Variants in MAGI2 observed in about 807,000 individuals in gnomAD.
The protein encoded by MAGI2 is membrane-associated guanylate kinase, WW and PDZ domain-containing protein 2.
In MAGI2, 35 loss-of-function variants were observed where a neutral mutation model predicts 133.3. The ratio of observed to expected loss-of-function variants is 0.26; its 90% CI spans 0.20 to 0.35. MAGI2 has a LOEUF of 0.35. MAGI2 is among the 10% of genes least tolerant of loss of function. MAGI2 has a pLI of 1.00. For synonymous variants in MAGI2, 729 were observed against 710.6 expected, an observed-to-expected ratio of 1.03 and a Z score of -0.41; for missense variants, 1,636 against 1,863.4, an observed-to-expected ratio of 0.88 and a Z score of 2.25.
intron 21 of MAGI2, among the ~76,000 whole-genome samples, chr7:78,045,917 T>C (rs1178406544): frequency 1.3e-5 from 2 of 152,186 alleles, no homozygotes; most frequent in East Asian, 3.9e-4. Flanking sequence ...TGATACTTGC[T>C]CTATTGGACA....
intron 6 of MAGI2, among the ~76,000 whole-genome samples, chr7:78,398,860 A>G (rs1055709565): frequency 2.0e-5 from 3 of 152,050 alleles, no homozygotes; most frequent in African/African-American, 7.2e-5. Flanking sequence ...CTTGAGTTCA[A>G]TCTCCCTTAT....
intron 6 of MAGI2, among the ~76,000 whole-genome samples, chr7:78,464,412 G>A (rs1214325412): frequency 6.6e-6 from 1 of 152,066 alleles, no homozygotes; most frequent in Admixed American, 6.5e-5. Context: ...ACTTTTGGAA[G>A]CCCTTTTGCT....
chr7:78,859,437 G>A lies in MAGI2; in HGVS notation c.418+147653C>T, dbSNP rs1301587344. ...GGAGGTCTTTTAGGGCAGGCCTGGT[G>A]GTGACAAAATCTCTCAGCATTTGTT... On this transcript the variant is annotated intron_variant, in intron 2 of 21. Transcript: ENST00000354212. Among the ~76,000 whole-genome samples, 3 of 151,760 alleles carry A rather than the reference G, an allele frequency of 2.0e-5. No homozygotes were observed. The East Asian group carries it at 5.8e-4, about 29-fold the overall frequency.
At chr7:78,362,630 A>C (rs187297044) in intron 7 of MAGI2, among the ~76,000 whole-genome samples, 1 of 152,332 alleles carries the variant, frequency 6.6e-6, no homozygotes, top group Non-Finnish European at 1.5e-5. Flanking sequence ...AGAAGGACGT[A>C]AAACGTTAAA....
intron 1 of MAGI2, among the ~76,000 whole-genome samples, chr7:79,289,153 A>C (rs1196796750): frequency 6.6e-6 from 1 of 152,200 alleles, no homozygotes; most frequent in Non-Finnish European, 1.5e-5. Flanking sequence ...ATCCACCTGC[A>C]CATCCATTTG....
chr7:78,410,073 C>G (rs1307855246), intron 6 of MAGI2, among the ~76,000 whole-genome samples: 2 of 151,742 alleles, frequency 1.3e-5, no homozygotes, highest in Non-Finnish European at 2.9e-5. Context: ...AGTCCACGAC[C>G]CCCGGGAAAG....
chr7:78,544,167 AT>A (rs927061820), intron 3 of MAGI2, among the ~76,000 whole-genome samples: 3 of 152,234 alleles, frequency 2.0e-5, no homozygotes, highest in Non-Finnish European at 4.4e-5. Context: ...ATTGGCTCCA[AT>A]TTGGCTTAAA....
chr7:79,015,100 A>T (rs1449979605), intron 1 of MAGI2, among the ~76,000 whole-genome samples: 3 of 152,168 alleles, frequency 2.0e-5, no homozygotes, highest in Non-Finnish European at 2.9e-5. Context: ...TATATTAGCA[A>T]GGTCTATCCC....
chr7:78,624,264 G>T (rs1563258373), intron 3 of MAGI2, among the ~76,000 whole-genome samples: 1 of 152,056 alleles, frequency 6.6e-6, no homozygotes, highest in Non-Finnish European at 1.5e-5. Context: ...TCTGTAGGTT[G>T]TCTGTTCACT....
intron 4 of MAGI2, among the ~76,000 whole-genome samples, chr7:78,514,528 G>A (rs1795881395): frequency 6.6e-6 from 1 of 152,058 alleles, no homozygotes; most frequent in South Asian, 2.1e-4. Flanking sequence ...CAGTACTCTG[G>A]GAACAAGATC....
intron 10 of MAGI2, among the ~76,000 whole-genome samples, chr7:78,235,728 C>T (rs551813737): frequency 1.5e-4 from 22 of 150,982 alleles, no homozygotes; most frequent in Middle Eastern, 3.4e-3. Flanking sequence ...TTTATAGCAG[C>T]GTGAGAACAG....
intron 16 of MAGI2, among the ~76,000 whole-genome samples, chr7:78,145,915 C>T (rs1823268687): frequency 6.6e-6 from 1 of 152,108 alleles, no homozygotes; most frequent in South Asian, 2.1e-4. Flanking sequence ...CTCCCGAAGG[C>T]CCGTCTCCAA....
chr7:78,968,964 C>T lies in MAGI2; in HGVS notation c.418+38126G>A, dbSNP rs554601394. Among the ~76,000 whole-genome samples, 4 of 152,078 alleles carry T rather than the reference C, an allele frequency of 2.6e-5. No individual in the cohort carries two copies. The South Asian group carries it at 8.3e-4, about 32-fold the overall frequency. ...CTTCAATAAAAAGCAGCCTCCAAACCATTTCTTTTCTAATATAAAGCAGCC... is the reference window on the plus strand; with the variant it reads ...CTTCAATAAAAAGCAGCCTCCAAACTATTTCTTTTCTAATATAAAGCAGCC... On this transcript the variant is annotated intron_variant, in intron 2 of 21. Coordinates refer to ENST00000354212, the MANE Select transcript of MAGI2 (RefSeq NM_012301.4).
At chr7:79,154,918 G>T (rs1309728936) in intron 1 of MAGI2, among the ~76,000 whole-genome samples, 2 of 152,154 alleles carry the variant, frequency 1.3e-5, no homozygotes, top group South Asian at 4.1e-4. Flanking sequence ...TTGCCCATTT[G>T]AATCTATTTT....
At chr7:78,604,836 T>C (rs1467686243) in intron 3 of MAGI2, among the ~76,000 whole-genome samples, 1 of 152,272 alleles carries the variant, frequency 6.6e-6, no homozygotes. Flanking sequence ...GTTTAGTTTT[T>C]AATTCTTTCT....
chr7:79,345,439 A>G (rs1483490176), intron 1 of MAGI2, among the ~76,000 whole-genome samples: 1 of 152,038 alleles, frequency 6.6e-6, no homozygotes, highest in Non-Finnish European at 1.5e-5. Flanking sequence ...GTGAGAAAAT[A>G]AATTTCTGTT....
intron 10 of MAGI2, among the ~76,000 whole-genome samples, chr7:78,228,974 G>A (rs578062598): frequency 6.6e-5 from 10 of 152,348 alleles, no homozygotes; most frequent in African/African-American, 2.4e-4. Flanking sequence ...TAGGAAGGTG[G>A]AGACCATCTA....
chr7:79,323,520 T>C (rs1055243537), intron 1 of MAGI2, among the ~76,000 whole-genome samples: 2 of 151,792 alleles, frequency 1.3e-5, no homozygotes, highest in African/African-American at 2.4e-5. Context: ...GAGAGACCAG[T>C]TGTGGATTGT....
intron 1 of MAGI2, among the ~76,000 whole-genome samples, chr7:79,196,336 T>C (rs928040931): frequency 2.0e-5 from 3 of 152,048 alleles, no homozygotes; most frequent in South Asian, 2.1e-4. Flanking sequence ...AAGTAACATG[T>C]ACCCACTTTT....
Sources: allele counts gnomAD v4.1 joint callset (sites outside exome capture counted in the v4.1 genomes callset), GRCh38; gene constraint gnomAD v4.1.1; transcripts MANE v1.5; gene names NCBI Gene and HGNC (gene_info 2026-07-23, HGNC 2026-07-21).